ZNF804B: variants seen among roughly 807,000 people sequenced by gnomAD.
ZNF804B encodes the protein zinc finger protein 804B.
Under a neutral mutation model 101.4 loss-of-function variants are expected in ZNF804B, and 80 were observed. The ratio of observed to expected loss-of-function variants is 0.79; its 90% CI spans 0.66 to 0.95. The LOEUF (loss-of-function observed/expected upper bound fraction) is 0.95, where lower values mean the gene tolerates loss of function less well. ZNF804B is among the 40% of genes least tolerant of loss of function. The pLI is 0.00. For missense variants in ZNF804B, 1,673 were observed against 1,561.9 expected, an observed-to-expected ratio of 1.07 and a Z score of -1.20; for synonymous variants, 622 against 558.8, an observed-to-expected ratio of 1.11 and a Z score of -1.59.
chr7:88,814,447 AACACAC>A (rs66471769), intron 1 of ZNF804B, among the ~76,000 whole-genome samples: 2,907 of 141,352 alleles, frequency 0.021, 66 homozygotes, highest in African/African-American at 0.055. Context: ...CCTCCCTTCA[AACACAC>A]ACACACACAC....
chr7:89,200,410 T>C (rs1162359583), intron 1 of ZNF804B, among the ~76,000 whole-genome samples: 1 of 151,988 alleles, frequency 6.6e-6, no homozygotes, highest in East Asian at 1.9e-4. Flanking sequence ...TTGTAGAATC[T>C]CCAGCTGAGA....
intron 2 of ZNF804B, among the ~76,000 whole-genome samples, chr7:89,249,091 A>G (rs959909087): frequency 1.3e-5 from 2 of 152,122 alleles, no homozygotes; most frequent in African/African-American, 4.8e-5. Flanking sequence ...CACAACAAGA[A>G]GACTTAACTA....
At chr7:88,969,216 TTAATAA>T (rs1038910424) in intron 1 of ZNF804B, among the ~76,000 whole-genome samples, 27 of 151,672 alleles carry the variant, frequency 1.8e-4, no homozygotes, top group African/African-American at 7.2e-5. Flanking sequence ...CTTCATTTAG[TTAATAA>T]TAATAAAGAT....
intron 1 of ZNF804B, among the ~76,000 whole-genome samples, chr7:89,032,964 T>G (rs1324042046): frequency 6.6e-6 from 1 of 151,984 alleles, no homozygotes; most frequent in East Asian, 1.9e-4. Context: ...CATTTGAAAT[T>G]TATTCTCCTG....
intron 1 of ZNF804B, among the ~76,000 whole-genome samples, chr7:88,778,246 C>A (rs1790174265): frequency 6.6e-6 from 1 of 152,152 alleles, no homozygotes. Flanking sequence ...AAGCTAGAAA[C>A]TTCCTCTCAT....
intron 1 of ZNF804B, among the ~76,000 whole-genome samples, chr7:88,778,608 A>C (rs1235485343): frequency 6.6e-6 from 1 of 152,198 alleles, no homozygotes; most frequent in Non-Finnish European, 1.5e-5. Flanking sequence ...CATTGTCTTC[A>C]TCTAGCAGCC....
Position 89,042,974 on chromosome 7 carries a change from C to T in ZNF804B, c.109-175181C>T, listed in dbSNP as rs1420722529. On this transcript the variant is annotated intron_variant, in intron 1 of 3. Transcript: ENST00000333190. ...AAATAAGCTATTCTTTTTTAACATA[C>T]AATCTCATATTCATTTCTATATGCC... Among the ~76,000 whole-genome samples the T allele has an allele frequency of 2.0e-5, 3 of 152,134 alleles. No homozygotes were observed. In the East Asian group the frequency reaches 5.8e-4, roughly 29 times the overall value.
intron 1 of ZNF804B, among the ~76,000 whole-genome samples, chr7:88,899,790 T>C (rs1792361292): frequency 1.3e-5 from 2 of 152,170 alleles, no homozygotes; most frequent in African/African-American, 4.8e-5. Context: ...TCTCCTTCTA[T>C]GTACTAAAAT....
chr7:89,108,225 T>TC (rs1171799106), intron 1 of ZNF804B, among the ~76,000 whole-genome samples: 1 of 142,052 alleles, frequency 7.0e-6, no homozygotes, highest in Admixed American at 6.9e-5. Context: ...ATTAGCTGCT[T>TC]TTTTTTTTTT....
chr7:88,836,096 C>T (rs553642267), intron 1 of ZNF804B, among the ~76,000 whole-genome samples: 2 of 151,926 alleles, frequency 1.3e-5, no homozygotes, highest in African/African-American at 4.8e-5. Flanking sequence ...AAGGTATATA[C>T]AAGGGATCAA....
intron 1 of ZNF804B, among the ~76,000 whole-genome samples, chr7:88,908,895 A>G (rs1475589921): frequency 6.6e-6 from 1 of 151,760 alleles, no homozygotes; most frequent in African/African-American, 2.4e-5. Context: ...TTTCTAAGAA[A>G]TGATTATATT....
intron 1 of ZNF804B, among the ~76,000 whole-genome samples, chr7:88,788,753 G>A (rs1031936572): frequency 1.3e-5 from 2 of 152,074 alleles, no homozygotes; most frequent in African/African-American, 4.8e-5. Context: ...TTATCTCTTA[G>A]ATGGGAGTTG....
intron 1 of ZNF804B, among the ~76,000 whole-genome samples, chr7:89,073,618 A>G (rs996887411): frequency 6.6e-6 from 1 of 151,992 alleles, no homozygotes; most frequent in Non-Finnish European, 1.5e-5. Flanking sequence ...AAATTAGTCT[A>G]TTATTTTGTT....
intron 3 of ZNF804B, 60 bp downstream of exon 3, chr7:89,327,534 A>G (rs952416509): frequency 8.2e-6 from 13 of 1,576,174 alleles, no homozygotes; most frequent in South Asian, 1.2e-5. Context: ...GGGAAATTTT[A>G]AAGGCAAATC....
chr7:89,044,262 C>G (rs1260911503), intron 1 of ZNF804B, among the ~76,000 whole-genome samples: 1 of 152,164 alleles, frequency 6.6e-6, no homozygotes, highest in Non-Finnish European at 1.5e-5. Context: ...GTTTGCTTCC[C>G]CTTTCGCCAT....
intron 1 of ZNF804B, among the ~76,000 whole-genome samples, chr7:88,828,395 A>G (rs1424095095): frequency 6.6e-6 from 1 of 151,226 alleles, no homozygotes; most frequent in African/African-American, 2.4e-5. Flanking sequence ...TTTTTCCTTC[A>G]GTTTAAGTGG....
chr7:88,974,223 T>G (rs1793580796), intron 1 of ZNF804B, among the ~76,000 whole-genome samples: 1 of 151,122 alleles, frequency 6.6e-6, no homozygotes, highest in African/African-American at 2.4e-5. Context: ...TGAAAAATAG[T>G]AAACACAAAT....
chr7:88,816,464 C>G (rs1011785217), intron 1 of ZNF804B, among the ~76,000 whole-genome samples: 1 of 151,938 alleles, frequency 6.6e-6, no homozygotes, highest in East Asian at 1.9e-4. Context: ...AATGGGAGAA[C>G]ATTTTTGCAA....
At chr7:88,805,864 A>G (rs1206977718) in intron 1 of ZNF804B, among the ~76,000 whole-genome samples, 2 of 152,150 alleles carry the variant, frequency 1.3e-5, no homozygotes, top group African/African-American at 2.4e-5. Context: ...GGCCTCATGG[A>G]AACCATTTCA....
Sources: allele counts gnomAD v4.1 joint callset (sites outside exome capture counted in the v4.1 genomes callset), GRCh38; gene constraint gnomAD v4.1.1; transcripts MANE v1.5; gene names NCBI Gene and HGNC (gene_info 2026-07-23, HGNC 2026-07-21).